GRXCR1: variants seen among roughly 807,000 people sequenced by gnomAD.
The protein encoded by GRXCR1 is glutaredoxin and cysteine rich domain containing 1.
GRXCR1 carries 27 observed loss-of-function variants against 27.3 expected under a neutral mutation model. The ratio of observed to expected loss-of-function variants is 0.99; its 90% confidence interval spans 0.73 to 1.37. The LOEUF (loss-of-function observed/expected upper bound fraction) is 1.37, where lower values mean the gene tolerates loss of function less well. Ranked by LOEUF, GRXCR1 falls within the 40% of genes most tolerant of loss-of-function variation. The pLI, the probability that GRXCR1 is intolerant of heterozygous loss-of-function variation, is 0.00. For missense variants in GRXCR1, 379 were observed against 354.4 expected (o/e 1.07, Z -0.56); for synonymous variants, 122 against 131.1 (o/e 0.93, Z 0.47).
intron 2 of GRXCR1, among the ~76,000 whole-genome samples, chr4:43,009,096 G>T (rs569846620): frequency 6.6e-6 from 1 of 152,172 alleles, no homozygotes; most frequent in South Asian, 2.1e-4. Context: ...TTCTTTGGAG[G>T]CCACAGAGGC....
intron 2 of GRXCR1, among the ~76,000 whole-genome samples, chr4:43,019,296 CT>C (rs934096797): frequency 2.0e-5 from 3 of 152,164 alleles, no homozygotes; most frequent in Non-Finnish European, 2.9e-5. Context: ...AAAAAATACA[CT>C]TTTACATAAA....
chr4:42,962,201 C>T (rs1316775691), intron 1 of GRXCR1, among the ~76,000 whole-genome samples: 1 of 151,936 alleles, frequency 6.6e-6, no homozygotes, highest in Admixed American at 6.6e-5. Context: ...TGCCTCCCCT[C>T]CAGTGTGTCT....
chr4:43,010,120 C>T (rs1179606141), intron 2 of GRXCR1, among the ~76,000 whole-genome samples: 1 of 152,064 alleles, frequency 6.6e-6, no homozygotes, highest in African/African-American at 2.4e-5. Flanking sequence ...AAGTGAGCAG[C>T]TTGCTTTTAA....
chr4:42,909,046 C>T (rs1006706797), intron 1 of GRXCR1, among the ~76,000 whole-genome samples: 1 of 152,114 alleles, frequency 6.6e-6, no homozygotes, highest in South Asian at 2.1e-4. Flanking sequence ...GACTTACATG[C>T]GGGGATGCCC....
chr4:42,960,128 A>G (rs1748098750), intron 1 of GRXCR1, among the ~76,000 whole-genome samples: 1 of 151,966 alleles, frequency 6.6e-6, no homozygotes. Flanking sequence ...TTCAGAGAGA[A>G]TCTTACATGA....
At chr4:42,987,000 GTA>G (rs942036641) in intron 2 of GRXCR1, among the ~76,000 whole-genome samples, 6 of 125,490 alleles carry the variant, frequency 4.8e-5, no homozygotes, top group African/African-American at 1.1e-4. Flanking sequence ...AGAGATATGT[GTA>G]TGTGTGTGTG....
Position 43,020,541 on chromosome 4 carries a change from A to G in GRXCR1, c.693+122A>G, listed in dbSNP as rs79559691. ...TTCTTACAAATATGCAATAGGATAC[A>G]TGTGGCAGTTTTAATTTGATATCTT... is the stretch of plus-strand genomic sequence containing the variant. On this transcript the variant is annotated intron_variant, in intron 3 of 3. Transcript: ENST00000399770. The G allele has an allele frequency of 1.1e-3, 776 of 720,116 alleles. 5 individuals carry two copies. The African/African-American group carries it at 0.012, about 11-fold the overall frequency. 44.6% of individuals were successfully genotyped at this position (720,116 alleles called of 1,614,324 possible).
chr4:42,896,520 T>C (rs368384227), intron 1 of GRXCR1, among the ~76,000 whole-genome samples: 11 of 152,178 alleles, frequency 7.2e-5, no homozygotes, highest in Admixed American at 2.0e-4. Context: ...TTCTAGATTA[T>C]GGCGCTTCAG....
At chr4:42,975,299 C>A (rs766722748) in intron 2 of GRXCR1, among the ~76,000 whole-genome samples, 3 of 152,070 alleles carry the variant, frequency 2.0e-5, no homozygotes, top group Non-Finnish European at 2.9e-5. Flanking sequence ...CTCATGAAAG[C>A]AATTTATTGT....
At chr4:42,978,610 T>C (rs1479132048) in intron 2 of GRXCR1, among the ~76,000 whole-genome samples, 1 of 152,102 alleles carries the variant, frequency 6.6e-6, no homozygotes, top group Non-Finnish European at 1.5e-5. Context: ...TTAGTGTTAA[T>C]ATACAGTAAT....
chr4:43,001,195 C>A (rs1278702156), intron 2 of GRXCR1, among the ~76,000 whole-genome samples: 1 of 151,820 alleles, frequency 6.6e-6, no homozygotes, highest in Non-Finnish European at 1.5e-5. Context: ...CATTTTTCCC[C>A]CCGGTGTACA....
intron 1 of GRXCR1, among the ~76,000 whole-genome samples, chr4:42,935,738 A>G (rs1747440272): frequency 7.1e-6 from 1 of 141,256 alleles, no homozygotes. Context: ...AAGATTAAAA[A>G]GGGGATTTAA....
chr4:43,018,222 G>T (rs1712991646), intron 2 of GRXCR1, among the ~76,000 whole-genome samples: 1 of 152,160 alleles, frequency 6.6e-6, no homozygotes, highest in Admixed American at 6.5e-5. Flanking sequence ...CAAAGGCCTG[G>T]TTCCAAGGGA....
At chr4:42,931,490 T>C (rs1365989529) in intron 1 of GRXCR1, among the ~76,000 whole-genome samples, 1 of 151,968 alleles carries the variant, frequency 6.6e-6, no homozygotes, top group African/African-American at 2.4e-5. Flanking sequence ...TGTGATAGTA[T>C]CTTCCAGAAG....
intron 1 of GRXCR1, among the ~76,000 whole-genome samples, chr4:42,927,633 T>C (rs1321647973): frequency 6.6e-6 from 1 of 151,898 alleles, no homozygotes; most frequent in Non-Finnish European, 1.5e-5. Flanking sequence ...AATAAGATGA[T>C]TTAAATGTCT....
At chr4:42,900,589 C>T (rs889617988) in intron 1 of GRXCR1, among the ~76,000 whole-genome samples, 24 of 151,858 alleles carry the variant, frequency 1.6e-4, no homozygotes, top group Admixed American at 6.6e-5. Flanking sequence ...TTGACTAGCC[C>T]AAAAGAGGGT....
chr4:42,995,965 A>G (rs1712143652), intron 2 of GRXCR1, among the ~76,000 whole-genome samples: 2 of 152,232 alleles, frequency 1.3e-5, no homozygotes, highest in Non-Finnish European at 2.9e-5. Flanking sequence ...TGGGTCCTAC[A>G]GGAGAACACC....
intron 2 of GRXCR1, among the ~76,000 whole-genome samples, chr4:42,971,638 C>T (rs1748390044): frequency 6.6e-6 from 1 of 152,030 alleles, no homozygotes; most frequent in Non-Finnish European, 1.5e-5. Context: ...GTCATGAGAA[C>T]AACAAGGGGA....
chr4:42,945,980 G>A (rs1747734346), intron 1 of GRXCR1, among the ~76,000 whole-genome samples: 1 of 152,106 alleles, frequency 6.6e-6, no homozygotes, highest in Admixed American at 6.6e-5. Flanking sequence ...CAAGATAAGG[G>A]CAAGCAAAAG....
Sources: gnomAD v4.1 joint callset for allele counts (sites outside exome capture counted in the v4.1 genomes callset) on GRCh38, gnomAD v4.1.1 for gene constraint, MANE v1.5 for transcripts, NCBI Gene and HGNC (gene_info 2026-07-23, HGNC 2026-07-21) for gene names.